The following MTUS2 variants were observed in gnomAD, a reference collection of about 807,000 sequenced individuals.
MTUS2 encodes the protein microtubule-associated tumor suppressor candidate 2.
In MTUS2, 40 loss-of-function variants were observed where a neutral mutation model predicts 114.1. That is an observed-to-expected ratio of 0.35 (90% CI 0.27 to 0.46). The LOEUF is 0.46. Ranked by LOEUF, MTUS2 falls within the 20% of genes least tolerant of loss-of-function variation. The pLI, the probability that MTUS2 is intolerant of heterozygous loss-of-function variation, is 1.00. For synonymous variants in MTUS2, 688 were observed against 672.0 expected, an observed-to-expected ratio of 1.02 and a Z score of -0.37; for missense variants, 1,679 against 1,705.4, an observed-to-expected ratio of 0.98 and a Z score of 0.27.
intron 2 of MTUS2, among the ~76,000 whole-genome samples, chr13:28,939,819 A>G (rs997462302): frequency 1.3e-5 from 2 of 152,158 alleles, no homozygotes; most frequent in Admixed American, 6.5e-5. Flanking sequence ...GCTGGGTAAT[A>G]TATAAAGGAA....
chr13:29,027,007 A>G (rs1329355101), intron 3 of MTUS2, 104 bp downstream of exon 3: 1 of 1,200,064 alleles, frequency 8.3e-7, no homozygotes, highest in Non-Finnish European at 1.1e-6. Flanking sequence ...TAAGTGAATT[A>G]CAGATTTTCA....
At chr13:29,342,973 A>G (rs760749644) in intron 7 of MTUS2, among the ~76,000 whole-genome samples, 53 of 152,194 alleles carry the variant, frequency 3.5e-4, no homozygotes, top group Non-Finnish European at 6.3e-4. Context: ...ATTGACTTGC[A>G]TATGTTCAAC....
At chr13:28,848,143 A>G (rs1400895730) in intron 2 of MTUS2, among the ~76,000 whole-genome samples, 1 of 152,168 alleles carries the variant, frequency 6.6e-6, no homozygotes, top group Admixed American at 6.5e-5. Flanking sequence ...TGTGATAATC[A>G]CTGTGCCAGA....
intron 9 of MTUS2, among the ~76,000 whole-genome samples, chr13:29,469,927 T>C (rs570186255): frequency 1.3e-5 from 2 of 152,236 alleles, no homozygotes; most frequent in African/African-American, 4.8e-5. Flanking sequence ...TCTGTAGTCA[T>C]CCAGTTTGGG....
chr13:29,017,939 CTT>C (rs1886134904), intron 2 of MTUS2, among the ~76,000 whole-genome samples: 1 of 152,140 alleles, frequency 6.6e-6, no homozygotes, highest in Non-Finnish European at 1.5e-5. Flanking sequence ...AAAAGACACA[CTT>C]AACTATTTTA....
intron 2 of MTUS2, among the ~76,000 whole-genome samples, chr13:28,894,357 T>G (rs1363953557): frequency 4.1e-3 from 228 of 55,754 alleles, no homozygotes; most frequent in Admixed American, 6.2e-3. Flanking sequence ...AGAGTGAGAG[T>G]GAGAGAGAGA....
intron 2 of MTUS2, among the ~76,000 whole-genome samples, chr13:28,976,203 C>CAAAAAAAAAAAAAA (rs71090215): frequency 2.2e-5 from 2 of 90,160 alleles, no homozygotes; most frequent in African/African-American, 4.4e-5. Flanking sequence ...GACCTTGTCT[C>CAAAAAAAAAAAAAA]AAAAAAAAAA....
In MTUS2 at chr13:29,375,283, G is replaced by GGCCTAAT. The variant is rs60167763; in HGVS notation, c.3117+15810_3117+15811insGCCTAAT. Among the ~76,000 whole-genome samples the GGCCTAAT allele has an allele frequency of 3.3e-4, 43 of 129,954 alleles. 6 individuals are homozygous for GGCCTAAT. Among genetic ancestry groups the GGCCTAAT allele is most frequent in the Admixed American group, 2.5e-3 (33 of 13,292 alleles). The allele number at this position is 129,954 out of a possible 152,430, so 85.3% of individuals were successfully genotyped here. A position where few individuals can be genotyped will look rare whatever the true frequency, so the allele number is the denominator to read the frequency against. Reference sequence around the variant, plus strand: ...GGAACATAACAGACAATTTAAAAAGGAGTTTTTAATAGGAGTTCCAGAGAG... The same window carrying GGCCTAAT: ...GGAACATAACAGACAATTTAAAAAGGGCCTAATAGTTTTTAATAGGAGTTCCAGAGAG... On this transcript the variant is annotated intron_variant, in intron 8 of 15. Transcript: ENST00000612955.
chr13:29,237,086 T>G (rs541114334), intron 5 of MTUS2, among the ~76,000 whole-genome samples: 2 of 152,330 alleles, frequency 1.3e-5, no homozygotes, highest in Admixed American at 1.3e-4. Flanking sequence ...AGACCATTTT[T>G]AAAATTTCCA....
At chr13:29,266,296 A>T (rs1897664776) in intron 5 of MTUS2, among the ~76,000 whole-genome samples, 1 of 152,238 alleles carries the variant, frequency 6.6e-6, no homozygotes, top group African/African-American at 2.4e-5. Context: ...AGAGGGATTA[A>T]GCAACTTGTC....
At chr13:29,048,494 A>T (rs564211781) in intron 4 of MTUS2, among the ~76,000 whole-genome samples, 1 of 152,142 alleles carries the variant, frequency 6.6e-6, no homozygotes, top group East Asian at 1.9e-4. Flanking sequence ...ATTTTTTGAG[A>T]TAGGGTCTCA....
chr13:29,388,640 TAAAA>T (rs1180171059), intron 8 of MTUS2, among the ~76,000 whole-genome samples: 1 of 151,554 alleles, frequency 6.6e-6, no homozygotes, highest in Non-Finnish European at 1.5e-5. Flanking sequence ...ATTTTAAAAA[TAAAA>T]AAATAATTAA....
intron 5 of MTUS2, among the ~76,000 whole-genome samples, chr13:29,253,637 G>T (rs542444739): frequency 6.6e-6 from 1 of 152,150 alleles, no homozygotes; most frequent in Admixed American, 6.5e-5. Flanking sequence ...AATTCCTGGA[G>T]GGTTTGCATT....
intron 5 of MTUS2, among the ~76,000 whole-genome samples, chr13:29,264,194 T>C (rs1468928639): frequency 1.3e-5 from 2 of 152,174 alleles, no homozygotes; most frequent in East Asian, 3.9e-4. Flanking sequence ...AGTCACTAAG[T>C]CTTAAAGCTC....
chr13:29,263,076 T>C (rs36038721), intron 5 of MTUS2, among the ~76,000 whole-genome samples: 2,014 of 152,314 alleles, frequency 0.013, 29 homozygotes, highest in East Asian at 0.084. Flanking sequence ...AAGAATGTTA[T>C]TAGTATGTTT....
At chr13:29,155,081 T>C (rs1447197269) in intron 5 of MTUS2, among the ~76,000 whole-genome samples, 2 of 152,234 alleles carry the variant, frequency 1.3e-5, no homozygotes. Flanking sequence ...CGTTCAAGTT[T>C]CATTTCTCTG....
chr13:29,072,863 A>G (rs1378909675), intron 4 of MTUS2, among the ~76,000 whole-genome samples: 1 of 152,192 alleles, frequency 6.6e-6, no homozygotes, highest in Non-Finnish European at 1.5e-5. Context: ...TCAGTATTTG[A>G]CGTATCTTTT....
chr13:28,910,230 G>C (rs1001000015), intron 2 of MTUS2, among the ~76,000 whole-genome samples: 7 of 151,980 alleles, frequency 4.6e-5, no homozygotes, highest in Non-Finnish European at 8.8e-5. Flanking sequence ...TATTTCCACA[G>C]GTTTAATTGT....
chr13:28,963,571 T>C lies in MTUS2; in HGVS notation c.-242-60886T>C, dbSNP rs556360162. On this transcript the variant is annotated intron_variant, in intron 2 of 15. Transcript: ENST00000612955. Reference sequence around the variant, plus strand: ...GTATCTCTGTGTATGTGTATGAGAGTGTGTGTGTGTGAATATATCCTTTCT... The same window carrying C: ...GTATCTCTGTGTATGTGTATGAGAGCGTGTGTGTGTGAATATATCCTTTCT... Among the ~76,000 whole-genome samples, 31 of 151,906 alleles carry C rather than the reference T, an allele frequency of 2.0e-4. 1 individual carries two copies. Among genetic ancestry groups the C allele is most frequent in the Non-Finnish European group, 2.9e-5 (2 of 67,980 alleles).
Sources: allele counts gnomAD v4.1 joint callset (sites outside exome capture counted in the v4.1 genomes callset), GRCh38; gene constraint gnomAD v4.1.1; transcripts MANE v1.5; gene names NCBI Gene and HGNC (gene_info 2026-07-23, HGNC 2026-07-21).